Variants in ZMIZ1 observed in about 807,000 individuals in gnomAD.
ZMIZ1 encodes the protein zinc finger MIZ-type containing 1, also known as zinc finger MIZ domain-containing protein 1.
In ZMIZ1, 17 loss-of-function variants were observed where a neutral mutation model predicts 113.9. That is an observed-to-expected ratio of 0.15 (90% confidence interval 0.10 to 0.22). The LOEUF (loss-of-function observed/expected upper bound fraction) is 0.22. Ranked by LOEUF, ZMIZ1 falls within the 10% of genes least tolerant of loss-of-function variation. The probability of loss-of-function intolerance (pLI) is 1.00; values close to 1 mark genes in which losing one functional copy is unlikely to be tolerated. For synonymous variants in ZMIZ1, 607 were observed against 603.1 expected, an observed-to-expected ratio of 1.01 and a Z score of -0.09; for missense variants, 1,059 against 1,477.8, an observed-to-expected ratio of 0.72 and a Z score of 4.65.
intron 1 of ZMIZ1, among the ~76,000 whole-genome samples, chr10:79,099,631 G>T (rs940110174): frequency 1.3e-5 from 2 of 152,268 alleles, no homozygotes; most frequent in Admixed American, 6.5e-5. Context: ...GCCCTGCTTG[G>T]GACGTCCCAG....
intron 1 of ZMIZ1, among the ~76,000 whole-genome samples, chr10:79,074,929 G>A (rs974109346): frequency 2.6e-5 from 4 of 152,242 alleles, no homozygotes; most frequent in East Asian, 3.8e-4. Context: ...CCCAGCTGCC[G>A]GAGTTACTGC....
At chr10:79,291,615 G>A (rs1016359526) in intron 10 of ZMIZ1, among the ~76,000 whole-genome samples, 7 of 152,218 alleles carry the variant, frequency 4.6e-5, no homozygotes, top group Non-Finnish European at 8.8e-5. Flanking sequence ...CAGAGACTGC[G>A]AGTCCCTTGG....
intron 1 of ZMIZ1, among the ~76,000 whole-genome samples, chr10:79,109,775 C>T (rs1484689233): frequency 6.6e-6 from 1 of 152,252 alleles, no homozygotes; most frequent in Non-Finnish European, 1.5e-5. Flanking sequence ...CTGCCTCTCC[C>T]ATCATCACTG....
intron 4 of ZMIZ1, among the ~76,000 whole-genome samples, chr10:79,190,546 TC>T (rs1249098349): frequency 3.3e-5 from 5 of 152,182 alleles, no homozygotes; most frequent in Non-Finnish European, 5.9e-5. Context: ...TTCCTCTGTT[TC>T]CCCAATTTTT....
Position 79,300,959 on chromosome 10 carries a change from AG to A in ZMIZ1, c.2019+21del, listed in dbSNP as rs759048034. 3 of 1,605,700 alleles carry A rather than the reference AG, an allele frequency of 1.9e-6. No individual in the cohort carries two copies. The highest frequency in any genetic ancestry group is 1.7e-4 in the Middle Eastern group (1 of 5,948). ...TGCTGCTGCGTGAGTGTGGTGGGCC[AG>A]GGGCAGCGTTGGCACAGGCAGGCCC... is the stretch of plus-strand genomic sequence containing the variant. On this transcript the variant is annotated intron_variant, in intron 17 of 24. Coordinates refer to ENST00000334512, the MANE Select transcript of ZMIZ1 (RefSeq NM_020338.4).
At chr10:79,147,532 C>A (rs151224322) in intron 3 of ZMIZ1, among the ~76,000 whole-genome samples, 150 of 152,330 alleles carry the variant, frequency 9.8e-4, no homozygotes, top group African/African-American at 3.4e-3. Context: ...TGTGCCAGGA[C>A]CTGGGCTAGG....
chr10:79,253,959 T>C (rs151228846), intron 7 of ZMIZ1, among the ~76,000 whole-genome samples: 59 of 152,260 alleles, frequency 3.9e-4, no homozygotes, highest in African/African-American at 1.4e-3. Context: ...ACCCTTGGGG[T>C]TTTCCTCTCC....
At chr10:79,262,426 C>G (rs930060465) in intron 7 of ZMIZ1, among the ~76,000 whole-genome samples, 1 of 152,254 alleles carries the variant, frequency 6.6e-6, no homozygotes, top group Non-Finnish European at 1.5e-5. Flanking sequence ...TCATTCAGCC[C>G]TGCTCTGGGA....
At chr10:79,292,713 C>T (rs939510366) in intron 11 of ZMIZ1, 4 of 471,858 alleles carry the variant, frequency 8.5e-6, no homozygotes, top group African/African-American at 2.0e-5. Context: ...GTCTTGTGAC[C>T]GGTCTGTCTC....
chr10:79,185,506 A>G (rs967993941), intron 4 of ZMIZ1, among the ~76,000 whole-genome samples: 6 of 147,126 alleles, frequency 4.1e-5, no homozygotes, highest in African/African-American at 1.3e-4. Flanking sequence ...GGACTTCTAC[A>G]TCTTTTTTTT....
At chr10:79,106,493 C>G (rs1028586996) in intron 1 of ZMIZ1, among the ~76,000 whole-genome samples, 1 of 152,214 alleles carries the variant, frequency 6.6e-6, no homozygotes. Flanking sequence ...ATATGCTCCC[C>G]CAAGCCTGTG....
intron 1 of ZMIZ1, among the ~76,000 whole-genome samples, chr10:79,085,216 C>A: frequency 6.6e-6 from 1 of 152,192 alleles, no homozygotes; most frequent in Non-Finnish European, 1.5e-5. Context: ...GTTAGCCAAG[C>A]ACAAAACCAC....
intron 3 of ZMIZ1, among the ~76,000 whole-genome samples, chr10:79,147,482 G>A (rs1005620362): frequency 6.6e-6 from 1 of 152,146 alleles, no homozygotes; most frequent in African/African-American, 2.4e-5. Flanking sequence ...CAGGCCTCCC[G>A]TGTGCATCCA....
intron 23 of ZMIZ1, among the ~76,000 whole-genome samples, chr10:79,308,325 G>C (rs1409700318): frequency 6.6e-6 from 1 of 152,244 alleles, no homozygotes; most frequent in East Asian, 1.9e-4. Flanking sequence ...ACTCCTGGCA[G>C]TGCGTGGGTG....
Position 79,304,057 on chromosome 10 carries a change from C to G in ZMIZ1, c.2168C>G (p.Thr723Arg). ...FSSVAASSGN[T>R]TLNGEDGVEQ... ...AGCGTGGCTGCCTCCTCGGGCAACA[C>G]GACCCTCAACGGGGAGGATGGGGTG... is the stretch of plus-strand genomic sequence containing the variant. The change falls in exon 19 of 25, where the codon ACG (threonine) becomes AGG (arginine). Residue 723 changes from threonine (T) to arginine (R), a missense_variant. Thr to Arg is a moderately conservative substitution (Grantham distance 71, BLOSUM62 -1). Around this residue, in one of 6 missense-constraint regions of ZMIZ1, gnomAD observed 217 missense variants for 426.9 expected, o/e 0.51. Transcript: ENST00000334512. 2 of 1,614,202 alleles carry G rather than the reference C, an allele frequency of 1.2e-6. No individual in the cohort carries two copies.
intron 7 of ZMIZ1, among the ~76,000 whole-genome samples, chr10:79,258,987 A>G (rs538658795): frequency 4.6e-5 from 7 of 152,282 alleles, no homozygotes; most frequent in Non-Finnish European, 8.8e-5. Context: ...GTGGCAGTCA[A>G]GGTAATCGGA....
At chr10:79,221,225 G>A (rs1201582634) in intron 7 of ZMIZ1, among the ~76,000 whole-genome samples, 5 of 152,146 alleles carry the variant, frequency 3.3e-5, no homozygotes, top group African/African-American at 4.8e-5. Flanking sequence ...GCGGTGAGCC[G>A]GCCGTGGTGC....
At chr10:79,146,352 C>T (rs892987733) in intron 3 of ZMIZ1, among the ~76,000 whole-genome samples, 1 of 152,148 alleles carries the variant, frequency 6.6e-6, no homozygotes, top group Non-Finnish European at 1.5e-5. Context: ...GACTCTGGCC[C>T]GCAGACCTTT....
At position 79,127,422 on chromosome 10, in the gene ZMIZ1, C is replaced by T. The variant is rs143981765; in HGVS notation, c.-227+8398C>T. Among the ~76,000 whole-genome samples, 733 of 152,298 alleles carry T rather than the reference C, an allele frequency of 4.8e-3. 1 individual carries two copies. Among genetic ancestry groups the T allele is most frequent in the Non-Finnish European group, 7.5e-3 (511 of 68,026 alleles). ...AGTTTGCACAGCAGCCAGCTCAGGCCCCGTCAGATGGCCCAGGTTCCTGCT... is the reference window on the plus strand; with the variant it reads ...AGTTTGCACAGCAGCCAGCTCAGGCTCCGTCAGATGGCCCAGGTTCCTGCT... On this transcript the variant is annotated intron_variant, in intron 2 of 24. Coordinates refer to ENST00000334512, the MANE Select transcript of ZMIZ1 (RefSeq NM_020338.4).
Sources: gnomAD v4.1 joint callset for allele counts (sites outside exome capture counted in the v4.1 genomes callset) on GRCh38, gnomAD v4.1.1 for gene constraint, gnomAD v4.1.1 regional missense constraint, MANE v1.5 for transcripts, NCBI Gene and HGNC (gene_info 2026-07-23, HGNC 2026-07-21) for gene names.